The following R3HDM2 variants were observed in gnomAD, a reference collection of about 807,000 sequenced individuals.
R3HDM2 encodes R3H domain containing 2.
Under a neutral mutation model 124.5 loss-of-function variants are expected in R3HDM2, and 38 were observed. The observed-to-expected ratio is 0.31, with a 90% CI of 0.24 to 0.40. The LOEUF is 0.40. Among genes scored for constraint, R3HDM2 ranks in the 10% least tolerant of loss-of-function variants. The pLI is 1.00. For missense variants in R3HDM2, 869 were observed against 1,236.9 expected (o/e 0.70, Z 4.46); for synonymous variants, 391 against 448.0 (o/e 0.87, Z 1.61).
In R3HDM2 at chr12:57,295,339, C is replaced by T; in HGVS notation, c.810+60G>A. Reference sequence around the variant, plus strand: ...TCTCCATCCCACAAAAATTCTTCTCCCTTCCCAGTTTCTCTTACTGCAAAC... The same window carrying T: ...TCTCCATCCCACAAAAATTCTTCTCTCTTCCCAGTTTCTCTTACTGCAAAC... On this transcript the variant is annotated intron_variant, in intron 10 of 23. Coordinates refer to ENST00000402412, the MANE Select transcript of R3HDM2 (RefSeq NM_001394031.1). 2.5e-6 allele frequency: 3 copies of T among 1,180,592 alleles called. No homozygotes were observed. The South Asian group carries it at 3.9e-5, about 15-fold the overall frequency. 73.1% of individuals were successfully genotyped at this position (1,180,592 alleles called of 1,614,324 possible).
chr12:57,324,402 C>T (rs987718360), intron 2 of R3HDM2, among the ~76,000 whole-genome samples: 2 of 152,130 alleles, frequency 1.3e-5, no homozygotes, highest in Non-Finnish European at 1.5e-5. Context: ...AGGCTGGTCT[C>T]GAACTCCTGA....
chr12:57,273,668 A>T (rs2044069118), intron 14 of R3HDM2, among the ~76,000 whole-genome samples: 1 of 152,208 alleles, frequency 6.6e-6, no homozygotes, highest in Non-Finnish European at 1.5e-5. Flanking sequence ...TGCCTGGCAT[A>T]GGTTCTCTCC....
At position 57,306,697 on chromosome 12, in the gene R3HDM2, C is replaced by T. The variant is rs555412509; in HGVS notation, c.166-3480G>A. 1.5e-3 allele frequency among the ~76,000 whole-genome samples: 225 copies of T among 152,132 alleles called. 1 individual carries two copies. The highest frequency in any genetic ancestry group is 5.0e-3 in the African/African-American group (206 of 41,546). On this transcript the variant is annotated intron_variant, in intron 3 of 23. Coordinates refer to ENST00000402412, the MANE Select transcript of R3HDM2 (RefSeq NM_001394031.1). ...TGCTGAGATTACAGGCGTGAGCCAC[C>T]GCGCCTGGCCTCCAAGTTGGCTAAA...
In R3HDM2 at chr12:57,253,811, C is replaced by A; in HGVS notation, c.*962G>T. ...TATATTTAAAAACAAAACCAACCTC[C>A]CCCCAAATAACCCCCAAACAAACAA... On this transcript the variant is annotated 3_prime_UTR_variant, in exon 24 of 24. Coordinates refer to ENST00000402412, the MANE Select transcript of R3HDM2 (RefSeq NM_001394031.1). The A allele has an allele frequency of 5.7e-6, 1 of 175,582 alleles. No homozygotes were observed. Among genetic ancestry groups the A allele is most frequent in the South Asian group, 1.2e-4 (1 of 8,382 alleles). 10.9% of individuals were successfully genotyped at this position (175,582 alleles called of 1,614,324 possible). A position where few individuals can be genotyped will look rare whatever the true frequency, so the allele number is the denominator to read the frequency against.
intron 2 of R3HDM2, among the ~76,000 whole-genome samples, chr12:57,369,564 T>C (rs1365618009): frequency 6.6e-6 from 1 of 152,234 alleles, no homozygotes; most frequent in African/African-American, 2.4e-5. Flanking sequence ...TGTGTCATTT[T>C]AGTCTCCAAA....
intron 2 of R3HDM2, among the ~76,000 whole-genome samples, chr12:57,333,814 G>A (rs539775275): frequency 7.9e-5 from 12 of 151,928 alleles, no homozygotes; most frequent in East Asian, 1.9e-4. Flanking sequence ...AGGCTGAGGC[G>A]GGTGGATGAC....
At chr12:57,281,806 T>C (rs1414008077) in intron 13 of R3HDM2, among the ~76,000 whole-genome samples, 1 of 152,144 alleles carries the variant, frequency 6.6e-6, no homozygotes, top group African/African-American at 2.4e-5. Flanking sequence ...GAACTTCTGA[T>C]GGGAGATAGA....
rs534117871 is a variant in R3HDM2, at chr12:57,270,059, T to C, written c.1345-65A>G. On this transcript the variant is annotated intron_variant, in intron 14 of 23. Transcript: ENST00000402412. The stretch of plus-strand genomic sequence containing the variant: ...AAACCTCATGTCTTTGGCTTCAACA[T>C]AGACAGAGAGAAATAGCAATGCTTT... 1.9e-5 allele frequency: 29 copies of C among 1,567,280 alleles called. No homozygotes were observed. The African/African-American group carries it at 2.4e-4, about 13-fold the overall frequency.
At chr12:57,306,658 T>C (rs944722992) in intron 3 of R3HDM2, among the ~76,000 whole-genome samples, 1 of 152,126 alleles carries the variant, frequency 6.6e-6, no homozygotes, top group Admixed American at 6.5e-5. Flanking sequence ...ACCACTCACC[T>C]TGGCCTCCCA....
At chr12:57,327,597 AT>A (rs2057495379) in intron 2 of R3HDM2, among the ~76,000 whole-genome samples, 1 of 152,236 alleles carries the variant, frequency 6.6e-6, no homozygotes, top group Non-Finnish European at 1.5e-5. Flanking sequence ...CATTAAAAAC[AT>A]TTGTGATTTA....
intron 6 of R3HDM2, among the ~76,000 whole-genome samples, chr12:57,298,522 TA>T (rs1475081996): frequency 1.3e-5 from 2 of 152,180 alleles, no homozygotes; most frequent in Non-Finnish European, 2.9e-5. Context: ...AGAATCTCAG[TA>T]AATATGCCCA....
intron 1 of R3HDM2, among the ~76,000 whole-genome samples, chr12:57,414,486 TAAAAAAAAAA>T (rs534205889): frequency 1.8e-4 from 12 of 66,616 alleles, no homozygotes; most frequent in African/African-American, 8.4e-4. Flanking sequence ...AAGACTCCAT[TAAAAAAAAAA>T]AAAAAAAAAA....
chr12:57,261,531 C>G (rs1255029567), intron 19 of R3HDM2, among the ~76,000 whole-genome samples: 2 of 152,032 alleles, frequency 1.3e-5, no homozygotes, highest in Non-Finnish European at 2.9e-5. Flanking sequence ...ATTATTATCT[C>G]TGCTCCCAAC....
chr12:57,423,220 A>C (rs2070378004), intron 1 of R3HDM2, among the ~76,000 whole-genome samples: 2 of 151,658 alleles, frequency 1.3e-5, no homozygotes. Context: ...TCAGGAGTTC[A>C]AGACCAGGCT....
chr12:57,374,295 G>A (rs1352922668), intron 2 of R3HDM2, among the ~76,000 whole-genome samples: 1 of 151,904 alleles, frequency 6.6e-6, no homozygotes, highest in East Asian at 1.9e-4. Context: ...CTCCAGCCTG[G>A]GCAATGGGAG....
At chr12:57,281,642 C>T (rs754406716) in intron 13 of R3HDM2, among the ~76,000 whole-genome samples, 4 of 152,044 alleles carry the variant, frequency 2.6e-5, no homozygotes, top group East Asian at 3.9e-4. Context: ...CCCACCACCA[C>T]GCCCAACTAA....
rs1265784807 is a variant in R3HDM2 at position 57,254,566 on chromosome 12, G to A, written c.*207C>T. The A allele has an allele frequency of 3.6e-5, 19 of 532,758 alleles. No individual in the cohort carries two copies. The highest frequency in any genetic ancestry group is 6.5e-6 in the Non-Finnish European group (2 of 308,134). The allele number at this position is 532,758 out of a possible 1,614,324, so 33.0% of individuals were successfully genotyped here. On this transcript the variant is annotated 3_prime_UTR_variant, in exon 24 of 24. Coordinates refer to ENST00000402412, the MANE Select transcript of R3HDM2 (RefSeq NM_001394031.1). Reference sequence around the variant, plus strand: ...AGAGTGATGCAAGGGGGGTCAACCAGGGAAAAAGAGAGGACCCATGGCAGG... The same window carrying A: ...AGAGTGATGCAAGGGGGGTCAACCAAGGAAAAAGAGAGGACCCATGGCAGG...
intron 2 of R3HDM2, among the ~76,000 whole-genome samples, chr12:57,342,550 T>A (rs2059680142): frequency 6.6e-6 from 1 of 151,932 alleles, no homozygotes; most frequent in Non-Finnish European, 1.5e-5. Context: ...CACCTCCTCT[T>A]CTCGCTCTCA....
At chr12:57,403,353 G>A (rs1044163506) in intron 1 of R3HDM2, among the ~76,000 whole-genome samples, 9 of 151,962 alleles carry the variant, frequency 5.9e-5, no homozygotes, top group Admixed American at 4.6e-4. Context: ...TTAGCTGGGC[G>A]TGATGGCGCA....
Sources: allele counts gnomAD v4.1 joint callset (sites outside exome capture counted in the v4.1 genomes callset), GRCh38; gene constraint gnomAD v4.1.1; transcripts MANE v1.5; gene names NCBI Gene and HGNC (gene_info 2026-07-23, HGNC 2026-07-21).